GNAO1: variants seen among roughly 807,000 people sequenced by gnomAD.
GNAO1 encodes guanine nucleotide-binding protein G(o) subunit alpha.
For missense variants in GNAO1, 166 were observed against 478.7 expected (o/e 0.35, Z 6.10); for synonymous variants, 164 against 180.7 (o/e 0.91, Z 0.74).
intron 2 of GNAO1, chr16:56,193,359 C>CT (rs1358063214): frequency 2.0e-5 from 3 of 152,922 alleles, no homozygotes; most frequent in African/African-American, 4.8e-5. Flanking sequence ...CCCCTTGCTG[C>CT]CCCCAGCTCC....
At chr16:56,295,771 C>G (rs1304271109) in intron 3 of GNAO1, among the ~76,000 whole-genome samples, 1 of 152,236 alleles carries the variant, frequency 6.6e-6, no homozygotes, top group African/African-American at 2.4e-5. Flanking sequence ...GCCTCTTCCT[C>G]CCAATATTCC....
At chr16:56,314,716 C>T (rs1437912325) in intron 3 of GNAO1, among the ~76,000 whole-genome samples, 2 of 152,136 alleles carry the variant, frequency 1.3e-5, no homozygotes, top group Non-Finnish European at 2.9e-5. Flanking sequence ...TACTTTTGCA[C>T]CATCCGTGCA....
chr16:56,323,107 C>T (rs556560158), intron 3 of GNAO1, among the ~76,000 whole-genome samples: 5 of 152,176 alleles, frequency 3.3e-5, no homozygotes, highest in African/African-American at 1.2e-4. Context: ...GTGATCTGGA[C>T]AGATGGAGCA....
chr16:56,327,899 G>A (rs2037651915), intron 3 of GNAO1, among the ~76,000 whole-genome samples: 1 of 152,162 alleles, frequency 6.6e-6, no homozygotes, highest in Non-Finnish European at 1.5e-5. Context: ...CCTGCCCCCA[G>A]AGAAAGGTAG....
intron 2 of GNAO1, among the ~76,000 whole-genome samples, chr16:56,259,119 C>G (rs554845108): frequency 1.4e-4 from 21 of 152,290 alleles, no homozygotes; most frequent in African/African-American, 5.1e-4. Flanking sequence ...CATGCAGGAG[C>G]CAGTGCAGGA....
intron 2 of GNAO1, among the ~76,000 whole-genome samples, chr16:56,259,233 A>C (rs763572082): frequency 1.3e-5 from 2 of 152,212 alleles, no homozygotes; most frequent in Non-Finnish European, 2.9e-5. Flanking sequence ...TCAGCCTCAC[A>C]TGCTGTGTGA....
intron 2 of GNAO1, among the ~76,000 whole-genome samples, chr16:56,232,853 G>C (rs929031952): frequency 6.6e-6 from 1 of 152,166 alleles, no homozygotes; most frequent in African/African-American, 2.4e-5. Context: ...ACAGCTTCAC[G>C]AAGACATCTC....
At chr16:56,206,848 A>G (rs376410392) in intron 2 of GNAO1, among the ~76,000 whole-genome samples, 108 of 152,336 alleles carry the variant, frequency 7.1e-4, no homozygotes, top group Middle Eastern at 3.4e-3. Flanking sequence ...CGCCCCTTCA[A>G]TGCTGTGCTT....
intron 2 of GNAO1, among the ~76,000 whole-genome samples, chr16:56,252,525 G>A (rs1239427099): frequency 2.6e-5 from 4 of 152,248 alleles, no homozygotes; most frequent in South Asian, 2.1e-4. Context: ...GAGCAAGCGA[G>A]TTGATCTCTC....
intron 1 of GNAO1, 85 bp from the exon 2 acceptor site, chr16:56,192,489 C>A: frequency 2.2e-6 from 2 of 907,710 alleles, no homozygotes; most frequent in South Asian, 1.3e-5. Flanking sequence ...GATCGCCCAC[C>A]CCCTCGCATG....
chr16:56,285,433 CAG>C (rs1299223949), intron 3 of GNAO1, among the ~76,000 whole-genome samples: 5 of 152,120 alleles, frequency 3.3e-5, no homozygotes, highest in East Asian at 1.9e-4. Context: ...GGCAGCTACA[CAG>C]GGGGAACTGA....
rs781109351 is a variant in GNAO1 at position 56,328,663 on chromosome 16, T to C, written c.336T>C (p.Ser112=). Residue 112 remains serine, a synonymous_variant, in exon 4 of 9, where the codon AGT becomes AGC. Transcript: ENST00000262493. ...CCAAGATGGTGTGTGATGTGGTGAG[T>C]CGGATGGAAGACACCGAGCCCTTCT... ...ADAKMVCDVV[S]RMEDTEPFSA... 1.9e-6 allele frequency: 3 copies of C among 1,614,086 alleles called. No individual in the cohort carries two copies. The highest frequency in any genetic ancestry group is 2.5e-6 in the Non-Finnish European group (3 of 1,179,998).
rs367853699 is a variant in GNAO1, at chr16:56,325,979, A to G, written c.304-2652A>G. Among the ~76,000 whole-genome samples the G allele has an allele frequency of 6.6e-5, 10 of 152,114 alleles. No homozygotes were observed. The East Asian group carries it at 7.7e-4, about 12-fold the overall frequency. On this transcript the variant is annotated intron_variant, in intron 3 of 8. Coordinates refer to ENST00000262493, the MANE Select transcript of GNAO1 (RefSeq NM_020988.3). ...AGGGAAAGACTACAGGTGGCCCAGC[A>G]TGGTCACATGCTCACCAGCCACCTC... is the stretch of plus-strand genomic sequence containing the variant.
At chr16:56,269,914 C>G (rs1321167110) in intron 2 of GNAO1, among the ~76,000 whole-genome samples, 3 of 152,130 alleles carry the variant, frequency 2.0e-5, no homozygotes, top group Non-Finnish European at 4.4e-5. Flanking sequence ...AGCTCCCAAG[C>G]CTGTGGTTCT....
chr16:56,267,573 C>T (rs1419794440), intron 2 of GNAO1, among the ~76,000 whole-genome samples: 1 of 152,160 alleles, frequency 6.6e-6, no homozygotes, highest in Non-Finnish European at 1.5e-5. Context: ...CTTGTCTGTC[C>T]AGCCAGCACC....
intron 3 of GNAO1, chr16:56,307,983 CTG>C (rs1456052746): frequency 4.6e-5 from 7 of 152,236 alleles, no homozygotes; most frequent in African/African-American, 1.7e-4. Flanking sequence ...GGAGGCCAGT[CTG>C]GAGTCGCTGC....
chr16:56,338,366 A>G (rs1567490150), intron 6 of GNAO1, among the ~76,000 whole-genome samples: 1 of 152,150 alleles, frequency 6.6e-6, no homozygotes, highest in Non-Finnish European at 1.5e-5. Flanking sequence ...GCAAGGGTGG[A>G]TGCGCTTCCT....
chr16:56,338,562 A>G (rs1346431694), intron 6 of GNAO1, among the ~76,000 whole-genome samples: 4 of 152,124 alleles, frequency 2.6e-5, no homozygotes, highest in African/African-American at 9.7e-5. Flanking sequence ...CCCCATGTCC[A>G]CCACGGTTTC....
At chr16:56,227,146 T>C (rs2036539425) in intron 2 of GNAO1, among the ~76,000 whole-genome samples, 1 of 152,174 alleles carries the variant, frequency 6.6e-6, no homozygotes. Context: ...TTTTTGTTTT[T>C]GTTTTTGTTT....
Sources: allele counts gnomAD v4.1 joint callset (sites outside exome capture counted in the v4.1 genomes callset), GRCh38; gene constraint gnomAD v4.1.1; transcripts MANE v1.5; gene names NCBI Gene and HGNC (gene_info 2026-07-23, HGNC 2026-07-21).